N4BP2: variants seen among roughly 807,000 people sequenced by gnomAD.
N4BP2 encodes NEDD4 binding protein 2, also known as NEDD4-binding protein 2.
N4BP2 carries 91 observed loss-of-function variants against 152.8 expected under a neutral mutation model. The ratio of observed to expected loss-of-function variants is 0.60; its 90% CI spans 0.50 to 0.71. The LOEUF is 0.71. Among genes scored for constraint, N4BP2 ranks in the 30% least tolerant of loss-of-function variants. N4BP2 has a pLI of 0.00. For missense variants in N4BP2, 1,923 were observed against 2,059.1 expected (o/e 0.93, Z 1.28); for synonymous variants, 646 against 705.3 (o/e 0.92, Z 1.33).
chr4:40,187,363 T>A, the N4BP2 span, among the ~76,000 whole-genome samples: 13 of 150,938 alleles, frequency 8.6e-5, no homozygotes, highest in African/African-American at 2.9e-4. Flanking sequence ...CAAAAAAAAA[T>A]TTAAATGGCT....
At chr4:40,129,383 C>T (rs540067800) in intron 12 of N4BP2, among the ~76,000 whole-genome samples, 10 of 152,140 alleles carry the variant, frequency 6.6e-5, no homozygotes, top group South Asian at 6.2e-4. Flanking sequence ...TCTGCTACCA[C>T]GCCCTGCTAA....
chr4:40,150,937 T>A (rs546551009), intron 16 of N4BP2, among the ~76,000 whole-genome samples: 1 of 152,342 alleles, frequency 6.6e-6, no homozygotes, highest in African/African-American at 2.4e-5. Flanking sequence ...GTAGTTATGC[T>A]TTTTAAAGGA....
At chr4:40,100,200 C>T (rs1042520890) in intron 3 of N4BP2, 18 of 419,674 alleles carry the variant, frequency 4.3e-5, no homozygotes, top group Admixed American at 3.8e-4. Context: ...TTGAAAGTGT[C>T]ATAGCCAGCA....
At chr4:40,072,911 G>C (rs755580939) in intron 1 of N4BP2, among the ~76,000 whole-genome samples, 1 of 151,632 alleles carries the variant, frequency 6.6e-6, no homozygotes, top group Non-Finnish European at 1.5e-5. Flanking sequence ...TAGCAGAGAC[G>C]GGGTCTCACC....
Position 40,102,351 on chromosome 4 carries a change from A to G in N4BP2, c.506A>G (p.Asp169Gly). The G allele has an allele frequency of 6.2e-7, 1 of 1,613,316 alleles. No individual in the cohort carries two copies. The highest frequency in any genetic ancestry group is 2.2e-5 in the East Asian group (1 of 44,856). Reference sequence around the variant, plus strand: ...GTATACTCATTTTTGCCTTCACAAGATGTTAATAGTTTTAATGACTCAAGT... The same window carrying G: ...GTATACTCATTTTTGCCTTCACAAGGTGTTAATAGTTTTAATGACTCAAGT... ...DQVYSFLPSQ[D>G]VNSFNDSSEF... Residue 169 changes from aspartate (D) to glycine (G), a missense_variant, in exon 4 of 18, where the codon GAT (aspartate) becomes GGT (glycine). By Grantham distance (94) the Asp-to-Gly change is moderately conservative. Transcript: ENST00000261435.
chr4:40,142,910 A>C, intron 15 of N4BP2, 49 bp downstream of exon 15: 1 of 1,499,914 alleles, frequency 6.7e-7, no homozygotes, highest in Non-Finnish European at 9.2e-7. Flanking sequence ...TAATAACTAA[A>C]TACTCTTGAA....
Position 40,136,840 on chromosome 4 carries a change from A to C in N4BP2, c.4647-104A>C, listed in dbSNP as rs952291546. ...AAGGTTGAAAACTTAAAAGTAAGCC[A>C]GTTTTTCATATTCTTGTAAGATGTT... On this transcript the variant is annotated intron_variant, in intron 13 of 17. Coordinates refer to ENST00000261435, the MANE Select transcript of N4BP2 (RefSeq NM_018177.6). 3 of 805,496 alleles carry C rather than the reference A, an allele frequency of 3.7e-6. No homozygotes were observed. In the Admixed American group the frequency reaches 9.2e-5, roughly 25 times the overall value. The allele number at this position is 805,496 out of a possible 1,614,324, so 49.9% of individuals were successfully genotyped here.
At chr4:40,184,188 T>C in the N4BP2 span, among the ~76,000 whole-genome samples, 1 of 152,188 alleles carries the variant, frequency 6.6e-6, no homozygotes, top group African/African-American at 2.4e-5. Context: ...TCATCTATGT[T>C]AAACGTGGGA....
In N4BP2 at chr4:40,099,303, C is replaced by T. The variant is rs144538398; in HGVS notation, c.229+1734C>T. ...TGCTGCCCAGGCCGGAGTGCAGTGG[C>T]GCCATCTTGGCTCATGGCAACCTCA... is the stretch of plus-strand genomic sequence containing the variant. On this transcript the variant is annotated intron_variant, in intron 3 of 17. Coordinates refer to ENST00000261435, the MANE Select transcript of N4BP2 (RefSeq NM_018177.6). Among the ~76,000 whole-genome samples, 1,226 of 152,262 alleles carry T rather than the reference C, an allele frequency of 8.1e-3. 15 individuals carry two copies. The highest frequency in any genetic ancestry group is 0.028 in the African/African-American group (1,156 of 41,560).
In N4BP2 at chr4:40,123,109, T is replaced by A. The variant is rs750326620; in HGVS notation, c.4199-18T>A. On this transcript the variant is annotated intron_variant, in intron 9 of 17. Transcript: ENST00000261435. ...TGAGTAATGATTACATTTTCTTCCC[T>A]CCCCCTTCCCCCACAAGGGTCTCTA... The A allele has an allele frequency of 4.8e-5, 74 of 1,530,518 alleles. No homozygotes were observed. The highest frequency in any genetic ancestry group is 1.7e-4 in the Middle Eastern group (1 of 5,846). 94.8% of individuals were successfully genotyped at this position (1,530,518 alleles called of 1,614,324 possible). A position where few individuals can be genotyped will look rare whatever the true frequency, so the allele number is the denominator to read the frequency against.
At position 40,147,419 on chromosome 4, in the gene N4BP2, G is replaced by T. The variant is rs1272281687; in HGVS notation, c.5143+2619G>T. Among the ~76,000 whole-genome samples, 22 of 152,188 alleles carry T rather than the reference G, an allele frequency of 1.4e-4. No homozygotes were observed. In the East Asian group the frequency reaches 3.1e-3, roughly 21 times the overall value. ...TGTCATCATGGCACGTTCTCAATGA[G>T]CTGTTGGGTACACCTCCCAGACGGG... On this transcript the variant is annotated intron_variant, in intron 16 of 17. Coordinates refer to ENST00000261435, the MANE Select transcript of N4BP2 (RefSeq NM_018177.6).
intron 1 of N4BP2, among the ~76,000 whole-genome samples, chr4:40,061,670 TA>T (rs1214074060): frequency 3.3e-5 from 5 of 151,554 alleles, no homozygotes; most frequent in Admixed American, 3.3e-4. Context: ...TGGCGTATTT[TA>T]TTTTTTTTTT....
intron 14 of N4BP2, among the ~76,000 whole-genome samples, chr4:40,141,823 C>T (rs1049018568): frequency 2.0e-5 from 3 of 152,230 alleles, no homozygotes; most frequent in African/African-American, 7.2e-5. Context: ...AACCAGACTC[C>T]ATCTGCAATC....
At chr4:40,146,339 C>A (rs1346104660) in intron 16 of N4BP2, among the ~76,000 whole-genome samples, 3 of 152,082 alleles carry the variant, frequency 2.0e-5, no homozygotes, top group Non-Finnish European at 4.4e-5. Context: ...GACCCCCATA[C>A]TAGTTAGGCC....
At chr4:40,084,614 G>A (rs1026332608) in intron 2 of N4BP2, among the ~76,000 whole-genome samples, 1 of 136,900 alleles carries the variant, frequency 7.3e-6, no homozygotes. Context: ...TTTTGTGTGT[G>A]TATATATATA....
chr4:40,121,209 T>C lies in N4BP2; in HGVS notation c.3098T>C (p.Ile1033Thr). 1 of 1,613,954 alleles carries C rather than the reference T, an allele frequency of 6.2e-7. No individual in the cohort carries two copies. Among genetic ancestry groups the C allele is most frequent in the Non-Finnish European group, 8.5e-7 (1 of 1,179,962 alleles). The change falls in exon 9 of 18, where the codon ATT becomes ACT. Residue 1033 changes from isoleucine to threonine, a missense_variant. By Grantham distance (89) the Ile-to-Thr change is moderately conservative. Coordinates refer to ENST00000261435, the MANE Select transcript of N4BP2 (RefSeq NM_018177.6). ...ALLWKIEKNKISISDSIKVLT... is the reference protein window; with the variant it reads ...ALLWKIEKNKTSISDSIKVLT... The stretch of plus-strand genomic sequence containing the variant: ...TTATGGAAAATAGAAAAGAATAAAA[T>C]TAGCATTTCAGATTCTATCAAAGTA...
At chr4:40,148,105 G>A (rs1342774788) in intron 16 of N4BP2, among the ~76,000 whole-genome samples, 1 of 152,218 alleles carries the variant, frequency 6.6e-6, no homozygotes, top group Non-Finnish European at 1.5e-5. Flanking sequence ...CAGGCGGCTG[G>A]GAGGTGGAGG....
chr4:40,177,967 T>C, the N4BP2 span, among the ~76,000 whole-genome samples: 1 of 152,178 alleles, frequency 6.6e-6, no homozygotes, highest in Admixed American at 6.5e-5. Flanking sequence ...AACAGAAAGA[T>C]GAGGCATTTA....
intron 2 of N4BP2, among the ~76,000 whole-genome samples, chr4:40,079,725 A>C (rs752870677): frequency 6.6e-6 from 1 of 152,106 alleles, no homozygotes. Context: ...TTGCTTAAGC[A>C]TGGGCAGTTG....
Sources: gnomAD v4.1 joint callset for allele counts (sites outside exome capture counted in the v4.1 genomes callset) on GRCh38, gnomAD v4.1.1 for gene constraint, MANE v1.5 for transcripts, NCBI Gene and HGNC (gene_info 2026-07-23, HGNC 2026-07-21) for gene names.